FOXP2: variants seen among roughly 807,000 people sequenced by gnomAD.
FOXP2 encodes the protein forkhead box protein P2.
In FOXP2, 12 loss-of-function variants were observed where a neutral mutation model predicts 115.8. The observed-to-expected ratio is 0.10, with a 90% CI of 0.07 to 0.17. The LOEUF (loss-of-function observed/expected upper bound fraction) is 0.17, where lower values mean the gene tolerates loss of function less well. FOXP2 is among the 10% of genes least tolerant of loss of function. The probability of loss-of-function intolerance (pLI) is 1.00; values close to 1 mark genes in which losing one functional copy is unlikely to be tolerated. For synonymous variants in FOXP2, 328 were observed against 297.7 expected, an observed-to-expected ratio of 1.10 and a Z score of -1.05; for missense variants, 629 against 843.5, an observed-to-expected ratio of 0.75 and a Z score of 3.15.
chr7:114,603,887 G>A (rs1803165838), intron 3 of FOXP2, among the ~76,000 whole-genome samples: 1 of 152,072 alleles, frequency 6.6e-6, no homozygotes. Flanking sequence ...TTCACAGCAT[G>A]GTATTTTAAG....
At chr7:114,344,158 A>G (rs1291705371) in intron 2 of FOXP2, among the ~76,000 whole-genome samples, 1 of 151,740 alleles carries the variant, frequency 6.6e-6, no homozygotes, top group Non-Finnish European at 1.5e-5. Flanking sequence ...AGAACTATAC[A>G]ACATGTTGAT....
intron 2 of FOXP2, among the ~76,000 whole-genome samples, chr7:114,471,141 A>G (rs1796028005): frequency 6.6e-6 from 1 of 152,162 alleles, no homozygotes; most frequent in Admixed American, 6.5e-5. Context: ...GGGAGGGCTA[A>G]TTTCTCATTC....
chr7:114,199,427 G>T (rs1794001346), intron 1 of FOXP2, among the ~76,000 whole-genome samples: 1 of 151,946 alleles, frequency 6.6e-6, no homozygotes. Context: ...ATAAATACAT[G>T]ATGGTCAATA....
chr7:114,594,434 C>T (rs1430065976), intron 3 of FOXP2, among the ~76,000 whole-genome samples: 4 of 152,016 alleles, frequency 2.6e-5, no homozygotes, highest in Admixed American at 6.6e-5. Flanking sequence ...TTTGTTTCAG[C>T]CATGCTTAGC....
chr7:114,636,185 A>C (rs548561401), intron 6 of FOXP2, among the ~76,000 whole-genome samples: 81 of 152,274 alleles, frequency 5.3e-4, no homozygotes, highest in African/African-American at 1.8e-3. Context: ...ATACTCCAGA[A>C]ACTGGGACTC....
chr7:114,173,014 C>T (rs762722367), intron 1 of FOXP2, among the ~76,000 whole-genome samples: 1 of 151,722 alleles, frequency 6.6e-6, no homozygotes, highest in Non-Finnish European at 1.5e-5. Context: ...ATAAACTTGT[C>T]TTTAATATAG....
chr7:114,600,466 T>G (rs1802959810), intron 3 of FOXP2, among the ~76,000 whole-genome samples: 1 of 152,224 alleles, frequency 6.6e-6, no homozygotes, highest in Non-Finnish European at 1.5e-5. Flanking sequence ...GTTTCAAAGC[T>G]GCTATAAACA....
At chr7:114,582,436 A>T (rs1801917547) in intron 3 of FOXP2, among the ~76,000 whole-genome samples, 1 of 152,136 alleles carries the variant, frequency 6.6e-6, no homozygotes, top group Admixed American at 6.5e-5. Flanking sequence ...GGGTGTACTT[A>T]TTGCTGCTAA....
intron 2 of FOXP2, among the ~76,000 whole-genome samples, chr7:114,333,360 C>T (rs571374226): frequency 6.6e-6 from 1 of 152,306 alleles, no homozygotes; most frequent in African/African-American, 2.4e-5. Flanking sequence ...TTTGCTACTG[C>T]TAGGTTTCCC....
At chr7:114,631,424 A>T in intron 5 of FOXP2, 104 bp from the exon 6 acceptor site, 1 of 1,535,990 alleles carries the variant, frequency 6.5e-7, no homozygotes, top group Non-Finnish European at 8.8e-7. Context: ...GGATGACCAA[A>T]AAACCCACTC....
chr7:114,225,603 C>A (rs960363027), intron 1 of FOXP2, among the ~76,000 whole-genome samples: 9 of 151,882 alleles, frequency 5.9e-5, no homozygotes, highest in African/African-American at 2.2e-4. Context: ...TGCCACCATG[C>A]CAGGCTAATT....
intron 1 of FOXP2, among the ~76,000 whole-genome samples, chr7:114,287,512 A>C (rs1423964478): frequency 6.6e-6 from 1 of 152,020 alleles, no homozygotes; most frequent in Non-Finnish European, 1.5e-5. Flanking sequence ...GGGAAATACA[A>C]ACTTAAATAA....
intron 1 of FOXP2, among the ~76,000 whole-genome samples, chr7:114,119,690 C>T (rs1224651862): frequency 6.6e-6 from 1 of 152,124 alleles, no homozygotes; most frequent in Non-Finnish European, 1.5e-5. Flanking sequence ...TGGCCTGGAC[C>T]ACACAGCAAG....
Position 114,504,367 on chromosome 7 carries a change from G to T in FOXP2, c.169-30250G>T, listed in dbSNP as rs941884372. Among the ~76,000 whole-genome samples the T allele has an allele frequency of 2.7e-4, 41 of 151,472 alleles. 1 individual carries two copies. The highest frequency in any genetic ancestry group is 1.0e-4 in the Non-Finnish European group (7 of 67,602). On this transcript the variant is annotated intron_variant, in intron 2 of 16. Transcript: ENST00000350908. Reference sequence around the variant, plus strand: ...AAGAGAGTGTTGAGCCATGATGATAGTATCTGCCTTTCACCTGTACTTATG... The same window carrying T: ...AAGAGAGTGTTGAGCCATGATGATATTATCTGCCTTTCACCTGTACTTATG...
At chr7:114,446,694 T>C (rs1328290587) in intron 2 of FOXP2, among the ~76,000 whole-genome samples, 1 of 151,888 alleles carries the variant, frequency 6.6e-6, no homozygotes, top group Non-Finnish European at 1.5e-5. Context: ...TGTTCTAATT[T>C]AATAATTTCA....
chr7:114,329,488 C>T (rs1797640142), intron 2 of FOXP2, among the ~76,000 whole-genome samples: 1 of 146,938 alleles, frequency 6.8e-6, no homozygotes, highest in African/African-American at 2.5e-5. Flanking sequence ...CATTGAACTC[C>T]AGCCTGGGCG....
In FOXP2 at chr7:114,310,509, TC is replaced by T. The variant is rs1174347891; in HGVS notation, c.-11+22401del. Among the ~76,000 whole-genome samples, 361 of 149,812 alleles carry T rather than the reference TC, an allele frequency of 2.4e-3. 5 individuals are homozygous for T. The highest frequency in any genetic ancestry group is 8.7e-3 in the African/African-American group (346 of 39,760). Reference sequence around the variant, plus strand: ...GGAGAGCATAGTAGCAGATTAGCTGTCTTTTTTTTTTTTTTAAGTGGGTGTA... The same window carrying T: ...GGAGAGCATAGTAGCAGATTAGCTGTTTTTTTTTTTTTTTAAGTGGGTGTA... On this transcript the variant is annotated intron_variant, in intron 2 of 17. Transcript: ENST00000634411.
Position 114,692,817 on chromosome 7 carries a change from A to G in FOXP2, c.*2891A>G, listed in dbSNP as rs1808739159. 2.2e-6 allele frequency: 1 copy of G among 449,682 alleles called. No individual in the cohort carries two copies. Among genetic ancestry groups the G allele is most frequent in the African/African-American group, 2.0e-5 (1 of 49,706 alleles). 27.9% of individuals were successfully genotyped at this position (449,682 alleles called of 1,614,324 possible). A position where few individuals can be genotyped will look rare whatever the true frequency, so the allele number is the denominator to read the frequency against. Reference sequence around the variant, plus strand: ...ATCTGTTTATGTATTGGTGGAATATACCTGTTTTATTTATCTTTTTTGAGG... The same window carrying G: ...ATCTGTTTATGTATTGGTGGAATATGCCTGTTTTATTTATCTTTTTTGAGG... On this transcript the variant is annotated 3_prime_UTR_variant, in exon 17 of 17. Transcript: ENST00000350908.
intron 1 of FOXP2, among the ~76,000 whole-genome samples, chr7:114,188,384 G>T (rs76736928): frequency 6.6e-6 from 1 of 151,956 alleles, no homozygotes; most frequent in Admixed American, 6.6e-5. Context: ...TTTGCTTCAG[G>T]GCATGTGCTC....
Sources: gnomAD v4.1 joint callset for allele counts (sites outside exome capture counted in the v4.1 genomes callset) on GRCh38, gnomAD v4.1.1 for gene constraint, MANE v1.5 for transcripts, NCBI Gene and HGNC (gene_info 2026-07-23, HGNC 2026-07-21) for gene names.